The following CIMIP2A variants were observed in gnomAD, a reference collection of about 807,000 sequenced individuals.
CIMIP2A encodes family with sequence similarity 166 member A.
the CIMIP2A span, chr9:137,245,230 A>G: frequency 2.7e-5 from 43 of 1,576,136 alleles, no homozygotes; most frequent in Non-Finnish European, 3.5e-5. Context: ...TGGAGCGGGG[A>G]GGAAGCGGAG....
chr9:137,244,113 G>A, the CIMIP2A span: 3 of 1,519,096 alleles, frequency 2.0e-6, no homozygotes, highest in Admixed American at 1.7e-5. Flanking sequence ...AGCAGGTAGA[G>A]CCGTCCCTCC....
At chr9:137,245,779 G>A in the CIMIP2A span, 1 of 1,544,938 alleles carries the variant, frequency 6.5e-7, no homozygotes, top group Non-Finnish European at 8.7e-7. Flanking sequence ...ACTGGGGTCT[G>A]TGAGCAGCTG....
chr9:137,247,877 G>A, the CIMIP2A span: 1 of 673,338 alleles, frequency 1.5e-6, no homozygotes, highest in Non-Finnish European at 2.6e-6. Flanking sequence ...ACATTGCACA[G>A]GTGAGACACT....
At chr9:137,244,209 C>T in the CIMIP2A span, 23 of 1,613,810 alleles carry the variant, frequency 1.4e-5, no homozygotes, top group East Asian at 1.1e-4. Context: ...CAGGCCTTGG[C>T]TGCTGTAGAT....
At chr9:137,251,424 C>A in the CIMIP2A span, 3 of 1,522,534 alleles carry the variant, frequency 2.0e-6, no homozygotes, top group Non-Finnish European at 1.8e-6. Flanking sequence ...GGAGAAGGGG[C>A]GGGCCAGCTG....
the CIMIP2A span, chr9:137,251,112 CG>C: frequency 1.1e-4 from 70 of 617,714 alleles, 1 homozygote; most frequent in South Asian, 1.2e-3. Context: ...CTGGCCCAGG[CG>C]GACCCGCTGA....
chr9:137,247,384 G>A, the CIMIP2A span, among the ~76,000 whole-genome samples: 1 of 152,382 alleles, frequency 6.6e-6, no homozygotes, highest in Non-Finnish European at 1.5e-5. Context: ...GGCTGACCCA[G>A]TTTCTGCTCG....
At chr9:137,248,647 T>C in the CIMIP2A span, among the ~76,000 whole-genome samples, 1 of 151,944 alleles carries the variant, frequency 6.6e-6, no homozygotes, top group African/African-American at 2.4e-5. Context: ...GGTGTGCAGA[T>C]TGCTTGAGCC....
chr9:137,247,590 C>A, the CIMIP2A span: 1 of 1,473,306 alleles, frequency 6.8e-7, no homozygotes, highest in South Asian at 1.1e-5. Flanking sequence ...GCCTCCATGC[C>A]TCAGGCCCCA....
the CIMIP2A span, chr9:137,252,730 C>T: frequency 6.4e-7 from 1 of 1,554,712 alleles, no homozygotes; most frequent in Non-Finnish European, 8.7e-7. Context: ...TCAGAGGCTG[C>T]CACTCCGCTT....
At chr9:137,252,664 G>GC in the CIMIP2A span, 4 of 1,543,346 alleles carry the variant, frequency 2.6e-6, no homozygotes, top group Non-Finnish European at 3.5e-6. Flanking sequence ...CCTCGCAGTG[G>GC]CCCTCGCCAG....
the CIMIP2A span, chr9:137,244,899 C>G: frequency 2.2e-5 from 35 of 1,581,270 alleles, no homozygotes; most frequent in South Asian, 3.4e-5. Flanking sequence ...GCAGGCAAGG[C>G]ACCGCCTCGT....
chr9:137,248,371 C>T, the CIMIP2A span, among the ~76,000 whole-genome samples: 16 of 151,942 alleles, frequency 1.1e-4, no homozygotes, highest in South Asian at 4.2e-4. Context: ...AGTCAAATCC[C>T]GTCTCTACTA....
the CIMIP2A span, among the ~76,000 whole-genome samples, chr9:137,249,902 G>C: frequency 6.6e-6 from 1 of 152,202 alleles, no homozygotes; most frequent in African/African-American, 2.4e-5. Context: ...CGGTGTCACA[G>C]GAACCCCAAA....
At chr9:137,245,364 G>C in the CIMIP2A span, 1 of 1,611,032 alleles carries the variant, frequency 6.2e-7, no homozygotes. Context: ...CCTCTTCCCC[G>C]TATACTGGGT....
the CIMIP2A span, chr9:137,243,712 G>A: frequency 2.7e-5 from 43 of 1,614,032 alleles, no homozygotes; most frequent in Non-Finnish European, 3.3e-5. Flanking sequence ...ATAGTGTGTG[G>A]TTTCGCTTTG....
chr9:137,249,745 C>G, the CIMIP2A span, among the ~76,000 whole-genome samples: 1 of 152,224 alleles, frequency 6.6e-6, no homozygotes, highest in Non-Finnish European at 1.5e-5. Context: ...CGGCAACTAG[C>G]GAGGACATGG....
At chr9:137,248,931 G>A in the CIMIP2A span, among the ~76,000 whole-genome samples, 1 of 151,824 alleles carries the variant, frequency 6.6e-6, no homozygotes, top group Admixed American at 6.6e-5. Flanking sequence ...TGCAGTAAGT[G>A]CTATGAACAA....
the CIMIP2A span, chr9:137,252,908 C>T: frequency 1.4e-5 from 22 of 1,598,348 alleles, no homozygotes; most frequent in East Asian, 4.5e-5. Context: ...GCAGAGCCCC[C>T]GCTCGCCGGC....
Sources: gnomAD v4.1 joint callset for allele counts (sites outside exome capture counted in the v4.1 genomes callset) on GRCh38, gnomAD v4.1.1 for gene constraint, MANE v1.5 for transcripts, NCBI Gene and HGNC (gene_info 2026-07-23, HGNC 2026-07-21) for gene names.